The following ALPK1 variants were observed in gnomAD, a reference collection of about 807,000 sequenced individuals.
ALPK1 encodes the protein alpha-protein kinase 1.
In ALPK1, 110 loss-of-function variants were observed where a neutral mutation model predicts 120.6. The ratio of observed to expected loss-of-function variants is 0.91; its 90% CI spans 0.78 to 1.07. The LOEUF is 1.07. Among genes scored for constraint, ALPK1 ranks in the 50% least tolerant of loss-of-function variants. The pLI, the probability that ALPK1 is intolerant of heterozygous loss-of-function variation, is 0.00. For synonymous variants in ALPK1, 582 were observed against 560.3 expected, an observed-to-expected ratio of 1.04 and a Z score of -0.55; for missense variants, 1,498 against 1,483.9, an observed-to-expected ratio of 1.01 and a Z score of -0.16.
Position 112,432,248 on chromosome 4 carries a change from C to T in ALPK1, c.2701C>T (p.Leu901Phe). Residue 901 changes from leucine to phenylalanine, a missense_variant, in exon 11 of 16, where the codon CTC (leucine) becomes TTC (phenylalanine). Transcript: ENST00000650871. Reference protein sequence around the residue: ...SVSGNILFPVLSEDCTTTEEG... With the variant: ...SVSGNILFPVFSEDCTTTEEG... ...AAGCGGTAACATCCTCTTCCCTGTC[C>T]TCAGCGAGGACTGCACTACCACAGA... The T allele has an allele frequency of 5.0e-6, 8 of 1,614,216 alleles. No individual in the cohort carries two copies. Among genetic ancestry groups the T allele is most frequent in the Non-Finnish European group, 6.8e-6 (8 of 1,180,034 alleles).
At chr4:112,429,783 T>C (rs1734443788) in intron 10 of ALPK1, among the ~76,000 whole-genome samples, 1 of 136,962 alleles carries the variant, frequency 7.3e-6, no homozygotes, top group Non-Finnish European at 1.5e-5. Flanking sequence ...GAGTTTGCAG[T>C]GAGCTGAGAT....
In ALPK1 at chr4:112,298,898, A is replaced by G. The variant is rs947632787; in HGVS notation, c.-153+1429A>G. On this transcript the variant is annotated intron_variant, in intron 1 of 15. Transcript: ENST00000650871. ...AAACAATTTTACTGATCCCTTTCCC[A>G]TGAACACAAGGCATGAATTGCTTTT... Among the ~76,000 whole-genome samples, 4 of 152,220 alleles carry G rather than the reference A, an allele frequency of 2.6e-5. No homozygotes were observed. In the East Asian group the frequency reaches 5.8e-4, roughly 22 times the overall value.
At position 112,324,984 on chromosome 4, in the gene ALPK1, G is replaced by T. The variant is rs554710560; in HGVS notation, c.-101+9132G>T. 6.5e-3 allele frequency among the ~76,000 whole-genome samples: 886 copies of T among 136,020 alleles called. 9 individuals are homozygous for T. Among genetic ancestry groups the T allele is most frequent in the South Asian group, 0.042 (151 of 3,596 alleles). The allele number at this position is 136,020 out of a possible 152,430, so 89.2% of individuals were successfully genotyped here. ...GAGGAACCAAAAAAAAGGGGGGGGG[G>T]GGCAAATAGAGTGAATCCCTTGAGG... is the stretch of plus-strand genomic sequence containing the variant. On this transcript the variant is annotated intron_variant, in intron 2 of 15. Coordinates refer to ENST00000650871, the MANE Select transcript of ALPK1 (RefSeq NM_025144.4).
chr4:112,411,701 C>A, intron 4 of ALPK1, 126 bp from the exon 5 acceptor site: 1 of 865,464 alleles, frequency 1.2e-6, no homozygotes, highest in Non-Finnish European at 1.8e-6. Flanking sequence ...AGCTGCCTAA[C>A]AAAGTATTTT....
chr4:112,356,684 G>T, intron 2 of ALPK1: 1 of 975,104 alleles, frequency 1.0e-6, no homozygotes, highest in Non-Finnish European at 1.6e-6. Flanking sequence ...CCTGGAGCAG[G>T]AGCTGGCCAG....
chr4:112,338,777 G>A (rs987617533), intron 2 of ALPK1, among the ~76,000 whole-genome samples: 22 of 152,208 alleles, frequency 1.4e-4, no homozygotes, highest in Non-Finnish European at 2.9e-4. Context: ...AGCATTAAAG[G>A]AAGATGGCAT....
chr4:112,430,518 A>T lies in ALPK1; in HGVS notation c.971A>T (p.His324Leu), dbSNP rs1734489020. ...TGTCCTCCAGAATTGAAAAACTTAC[A>T]TCTGTGTGAAGCCAAAGAGGCCTTT... ...NDCPPELKNL[H>L]LCEAKEAFEI... is the part of the protein sequence containing the mutation. The change falls in exon 11 of 16, where the codon CAT becomes CTT. Residue 324 changes from histidine to leucine, a missense_variant. His to Leu is a moderately conservative substitution (Grantham distance 99). Transcript: ENST00000650871. 4 of 1,613,990 alleles carry T rather than the reference A, an allele frequency of 2.5e-6. No individual in the cohort carries two copies. Among genetic ancestry groups the T allele is most frequent in the Admixed American group, 1.7e-5 (1 of 59,988 alleles).
chr4:112,397,131 A>G (rs1732687676), intron 4 of ALPK1, among the ~76,000 whole-genome samples: 1 of 152,226 alleles, frequency 6.6e-6, no homozygotes, highest in African/African-American at 2.4e-5. Context: ...CTAAAGGTTA[A>G]GTAACATGCA....
At chr4:112,382,323 C>A (rs1731956350) in intron 3 of ALPK1, 75 bp from the exon 4 acceptor site, 2 of 813,814 alleles carry the variant, frequency 2.5e-6, no homozygotes, top group Non-Finnish European at 3.7e-6. Flanking sequence ...CACTGAGGTG[C>A]TTCATCATAA....
chr4:112,366,231 C>T (rs1731144767), intron 2 of ALPK1, among the ~76,000 whole-genome samples: 1 of 151,912 alleles, frequency 6.6e-6, no homozygotes, highest in South Asian at 2.1e-4. Context: ...AACTAAAAAG[C>T]TTCTGCACAG....
At chr4:112,436,407 T>C (rs1734791067) in intron 12 of ALPK1, among the ~76,000 whole-genome samples, 1 of 152,152 alleles carries the variant, frequency 6.6e-6, no homozygotes. Flanking sequence ...TTCACTTGTG[T>C]CTCCCAAAAC....
intron 4 of ALPK1, among the ~76,000 whole-genome samples, chr4:112,389,671 TC>T (rs1732317399): frequency 6.6e-6 from 1 of 152,226 alleles, no homozygotes; most frequent in Non-Finnish European, 1.5e-5. Flanking sequence ...GTATAAGATT[TC>T]AGTCTTGCAA....
Position 112,430,861 on chromosome 4 carries a change from G to T in ALPK1, c.1314G>T (p.Glu438Asp). The change falls in exon 11 of 16, where the codon GAG (glutamate) becomes GAT (aspartate). Residue 438 changes from glutamate (E) to aspartate (D), a missense_variant. Glu to Asp is a conservative substitution (Grantham distance 45). Coordinates refer to ENST00000650871, the MANE Select transcript of ALPK1 (RefSeq NM_025144.4). The part of the protein sequence containing the change: ...DDRSYVPESF[E>D]CRLDKLILHG... ...GATCTTATGTTCCCGAGAGTTTCGAGTGCAGGTTGGATAAACTTATCTTGC... is the reference window on the plus strand; with the variant it reads ...GATCTTATGTTCCCGAGAGTTTCGATTGCAGGTTGGATAAACTTATCTTGC... The T allele has an allele frequency of 6.2e-7, 1 of 1,614,112 alleles. No homozygotes were observed. Among genetic ancestry groups the T allele is most frequent in the Non-Finnish European group, 8.5e-7 (1 of 1,179,952 alleles).
intron 2 of ALPK1, among the ~76,000 whole-genome samples, chr4:112,338,764 G>T (rs545637630): frequency 6.6e-6 from 1 of 152,282 alleles, no homozygotes; most frequent in Admixed American, 6.5e-5. Flanking sequence ...TATAGATATT[G>T]CCAGCATTAA....
At chr4:112,365,352 T>A (rs570263564) in intron 2 of ALPK1, among the ~76,000 whole-genome samples, 1 of 152,314 alleles carries the variant, frequency 6.6e-6, no homozygotes, top group Admixed American at 6.5e-5. Context: ...GGTAAATAAA[T>A]TCAGCAGTTT....
At chr4:112,413,159 T>C (rs1733566383) in intron 5 of ALPK1, among the ~76,000 whole-genome samples, 1 of 152,228 alleles carries the variant, frequency 6.6e-6, no homozygotes, top group Non-Finnish European at 1.5e-5. Context: ...TAACAACTGT[T>C]GTTCCTTCTG....
At chr4:112,362,541 A>G (rs899014336) in intron 2 of ALPK1, among the ~76,000 whole-genome samples, 1 of 152,184 alleles carries the variant, frequency 6.6e-6, no homozygotes, top group Non-Finnish European at 1.5e-5. Context: ...ACAAAGAAAA[A>G]AGAATTAAAA....
intron 5 of ALPK1, among the ~76,000 whole-genome samples, chr4:112,421,316 G>A (rs1733981415): frequency 6.6e-6 from 1 of 152,006 alleles, no homozygotes; most frequent in Non-Finnish European, 1.5e-5. Context: ...ATTTATCTTT[G>A]AATGCTACTT....
intron 5 of ALPK1, among the ~76,000 whole-genome samples, chr4:112,412,700 C>T (rs1733542769): frequency 2.0e-5 from 3 of 152,218 alleles, no homozygotes; most frequent in Admixed American, 1.3e-4. Context: ...GATTTAGAAA[C>T]GTGTAGCCTG....
Sources: gnomAD v4.1 joint callset for allele counts (sites outside exome capture counted in the v4.1 genomes callset) on GRCh38, gnomAD v4.1.1 for gene constraint, MANE v1.5 for transcripts, NCBI Gene and HGNC (gene_info 2026-07-23, HGNC 2026-07-21) for gene names.